The following SCRN1 variants were observed in gnomAD, a reference collection of about 807,000 sequenced individuals.
SCRN1 encodes secernin-1.
SCRN1 carries 19 observed loss-of-function variants against 43.3 expected under a neutral mutation model. That is an observed-to-expected ratio of 0.44 (90% CI 0.31 to 0.64). The LOEUF is 0.64. Among genes scored for constraint, SCRN1 ranks in the 30% least tolerant of loss-of-function variants. The probability of loss-of-function intolerance (pLI) is 0.09; values close to 1 mark genes in which losing one functional copy is unlikely to be tolerated. For synonymous variants in SCRN1, 183 were observed against 188.9 expected (o/e 0.97, Z 0.26); for missense variants, 447 against 524.1 (o/e 0.85, Z 1.44).
chr7:29,956,802 C>G (rs544922773), intron 2 of SCRN1, among the ~76,000 whole-genome samples: 96 of 152,182 alleles, frequency 6.3e-4, no homozygotes, highest in African/African-American at 2.2e-3. Flanking sequence ...AAAATATACT[C>G]AAGATTTTCC....
chr7:29,990,000 C>G, upstream of SCRN1: 1 of 1,437,368 alleles, frequency 7.0e-7, no homozygotes. Context: ...CGTATCTCGC[C>G]GCAGAAAGTG....
intron 5 of SCRN1, among the ~76,000 whole-genome samples, chr7:29,937,001 G>A (rs528381628): frequency 6.6e-6 from 1 of 152,276 alleles, no homozygotes; most frequent in East Asian, 1.9e-4. Context: ...AGCTGAGATC[G>A]CGTCACTGCA....
chr7:29,928,109 C>T lies in SCRN1; in HGVS notation c.906-1477G>A, dbSNP rs370208820. ...TCGCACTCCGGCCTGGGTGACTGAG[C>T]GAGACTTTGTCTCAAAAACAAACAA... On this transcript the variant is annotated intron_variant, in intron 6 of 7. Coordinates refer to ENST00000242059, the MANE Select transcript of SCRN1 (RefSeq NM_014766.5). 2.5e-4 allele frequency among the ~76,000 whole-genome samples: 38 copies of T among 152,114 alleles called. 1 individual carries two copies. Among genetic ancestry groups the T allele is most frequent in the African/African-American group, 8.0e-4 (33 of 41,500 alleles).
At chr7:29,933,849 G>A (rs555204885) in intron 6 of SCRN1, among the ~76,000 whole-genome samples, 1 of 152,306 alleles carries the variant, frequency 6.6e-6, no homozygotes, top group African/African-American at 2.4e-5. Context: ...GTAAGATCAC[G>A]TTTTTTGGTT....
chr7:29,940,818 A>G lies in SCRN1; in HGVS notation c.603T>C (p.His201=), dbSNP rs1380661356. Residue 201 remains histidine, a synonymous_variant, in exon 5 of 8, where the codon CAT becomes CAC. Transcript: ENST00000242059. ...LSLTTKMDAE[H]PELRSYAQSQ... is the part of the protein sequence containing the mutation. Reference sequence around the variant, plus strand: ...TCTGAGCGTAACTCCTGAGTTCCGGATGCTCTGCATCCATCTTAGTGGTGA... The same window carrying G: ...TCTGAGCGTAACTCCTGAGTTCCGGGTGCTCTGCATCCATCTTAGTGGTGA... 6.2e-7 allele frequency: 1 copy of G among 1,602,086 alleles called. No homozygotes were observed. The highest frequency in any genetic ancestry group is 1.1e-5 in the South Asian group (1 of 88,720).
At chr7:29,990,005 A>G (rs1053184250), upstream of SCRN1, 7 of 1,424,494 alleles carry the variant, frequency 4.9e-6, no homozygotes, top group Non-Finnish European at 9.2e-7. Flanking sequence ...CTCGCCGCAG[A>G]AAGTGGCCCC....
chr7:29,989,724 C>T lies in SCRN1; in HGVS notation c.-84G>A, dbSNP rs1789301800. 1.0e-6 allele frequency: 1 copy of T among 986,000 alleles called. No individual in the cohort carries two copies. The highest frequency in any genetic ancestry group is 1.7e-5 in the African/African-American group (1 of 57,362). The allele number at this position is 986,000 out of a possible 1,614,324, so 61.1% of individuals were successfully genotyped here. ...CCGAGGGTGCGGGTGCTGCCGGGTC[C>T]GGATTACTGCGGCGACCTCGGGGGC... On this transcript the variant is annotated 5_prime_UTR_variant, in exon 1 of 8. Coordinates refer to ENST00000242059, the MANE Select transcript of SCRN1 (RefSeq NM_014766.5).
chr7:29,939,366 C>T (rs974393308), intron 5 of SCRN1, among the ~76,000 whole-genome samples: 2 of 152,098 alleles, frequency 1.3e-5, no homozygotes, highest in Non-Finnish European at 2.9e-5. Context: ...GCCCACATCA[C>T]CACATCTGGC....
chr7:29,982,888 T>C (rs1022864597), intron 1 of SCRN1, among the ~76,000 whole-genome samples: 3 of 151,670 alleles, frequency 2.0e-5, no homozygotes, highest in African/African-American at 7.3e-5. Flanking sequence ...TTGCCCAGGC[T>C]GGAATGCAAT....
chr7:29,973,865 A>T (rs780573103), intron 1 of SCRN1, among the ~76,000 whole-genome samples: 2 of 152,214 alleles, frequency 1.3e-5, no homozygotes, highest in Non-Finnish European at 2.9e-5. Flanking sequence ...GAAAAACTGA[A>T]ACTTACTTGT....
Position 29,936,684 on chromosome 7 carries a change from C to A in SCRN1, c.777G>T (p.Arg259=). The change falls in exon 6 of 8, where the codon CGG becomes CGT. Residue 259 remains arginine, a synonymous_variant. Transcript: ENST00000242059. ...ITVQTMMNTL[R]DKASGVCIDS... Reference sequence around the variant, plus strand: ...CTATGCACACTCCGCTGGCTTTGTCCCGTAAGGTGTTCATCATAGTCTGCA... The same window carrying A: ...CTATGCACACTCCGCTGGCTTTGTCACGTAAGGTGTTCATCATAGTCTGCA... 1 of 1,584,920 alleles carries A rather than the reference C, an allele frequency of 6.3e-7. No individual in the cohort carries two copies. Among genetic ancestry groups the A allele is most frequent in the African/African-American group, 1.3e-5 (1 of 74,660 alleles).
intron 4 of SCRN1, 106 bp downstream of exon 4, chr7:29,943,871 C>A: frequency 9.4e-7 from 1 of 1,060,270 alleles, no homozygotes; most frequent in Non-Finnish European, 1.4e-6. Context: ...CAGAGAGGAC[C>A]TGCAACGGCA....
rs142171826 is a variant in SCRN1, at chr7:29,928,948, G to A, written c.906-2316C>T. On this transcript the variant is annotated intron_variant, in intron 6 of 7. Transcript: ENST00000242059. ...CAAAAGGGCTGCAGATGGAGGGCTC[G>A]CTGCAATGGAGCAGTGGGGAGGAGG... is the stretch of plus-strand genomic sequence containing the variant. Among the ~76,000 whole-genome samples the A allele has an allele frequency of 3.0e-3, 458 of 152,302 alleles. 3 individuals are homozygous for A. The highest frequency in any genetic ancestry group is 4.7e-3 in the Non-Finnish European group (322 of 68,010).
In SCRN1 at chr7:29,968,872, G is replaced by C. The variant is rs778090988; in HGVS notation, c.159+37C>G. 3.1e-6 allele frequency: 5 copies of C among 1,612,124 alleles called. No individual in the cohort carries two copies. The African/African-American group carries it at 5.3e-5, about 17-fold the overall frequency. Reference sequence around the variant, plus strand: ...GTGCTAGCGGCAAAGCCAGAGAAAAGAGAGTGTGACTCGCGAGACTGCAAT... The same window carrying C: ...GTGCTAGCGGCAAAGCCAGAGAAAACAGAGTGTGACTCGCGAGACTGCAAT... On this transcript the variant is annotated intron_variant, in intron 2 of 7. Transcript: ENST00000242059.
intron 2 of SCRN1, among the ~76,000 whole-genome samples, chr7:29,962,699 AATAAAATAAAATAAC>A (rs1199643580): frequency 4.0e-5 from 6 of 151,562 alleles, no homozygotes; most frequent in Admixed American, 3.9e-4. Flanking sequence ...CATAAAATAA[AATAAAATAAAATAAC>A]ATAAAATAAC....
chr7:29,955,319 G>A lies in SCRN1; in HGVS notation c.201C>T (p.Ala67=). The A allele has an allele frequency of 1.9e-6, 3 of 1,614,110 alleles. No individual in the cohort carries two copies. The highest frequency in any genetic ancestry group is 2.5e-6 in the Non-Finnish European group (3 of 1,180,018). The change falls in exon 3 of 8, where the codon GCC becomes GCT. Residue 67 remains alanine, a synonymous_variant. Transcript: ENST00000242059. The part of the protein sequence containing the change: ...ISIDQVPRTY[A]IMISRPAWLW... ...GCCAGGCGGGTCTGCTTATCATTAT[G>A]GCATAGGTCCTTGGAACTTGGTCGA...
At chr7:29,967,418 G>A in intron 2 of SCRN1, among the ~76,000 whole-genome samples, 1 of 146,460 alleles carries the variant, frequency 6.8e-6, no homozygotes, top group Non-Finnish European at 1.5e-5. Context: ...TTAAAGAGAT[G>A]GGGTCTCACC....
chr7:29,925,168 C>T (rs369603889), intron 7 of SCRN1, among the ~76,000 whole-genome samples: 39 of 152,108 alleles, frequency 2.6e-4, no homozygotes, highest in African/African-American at 8.7e-4. Flanking sequence ...TGCATGCTTC[C>T]GATTATCTGC....
intron 4 of SCRN1, among the ~76,000 whole-genome samples, chr7:29,941,127 G>A (rs1787530723): frequency 6.6e-6 from 1 of 152,174 alleles, no homozygotes; most frequent in Admixed American, 6.5e-5. Flanking sequence ...CATCTTAAAA[G>A]CATAATCAAC....
Sources: allele counts gnomAD v4.1 joint callset (sites outside exome capture counted in the v4.1 genomes callset), GRCh38; gene constraint gnomAD v4.1.1; transcripts MANE v1.5; gene names NCBI Gene and HGNC (gene_info 2026-07-23, HGNC 2026-07-21).